Variants in ANXA4 observed in about 807,000 individuals in gnomAD.
The protein encoded by ANXA4 is 35-beta calcimedin.
A neutral mutation model predicts 49.8 loss-of-function variants in ANXA4; 39 were observed. That is an observed-to-expected ratio of 0.78 (90% CI 0.61 to 1.02). The LOEUF (loss-of-function observed/expected upper bound fraction) is 1.02. Ranked by LOEUF, ANXA4 falls within the 50% of genes least tolerant of loss-of-function variation. The pLI is 0.00. For synonymous variants in ANXA4, 134 were observed against 152.5 expected, an observed-to-expected ratio of 0.88 and a Z score of 0.89; for missense variants, 360 against 410.1, an observed-to-expected ratio of 0.88 and a Z score of 1.05.
At position 69,691,608 on chromosome 2, in the gene ANXA4, C is replaced by T. The variant is rs576513821; in HGVS notation, n.767-29166C>T. On this transcript the variant is annotated intron_variant and non_coding_transcript_variant, in intron 2 of 3. Transcript: ENST00000418066. Reference sequence around the variant, plus strand: ...ACACACACACACACACAGACGCATGCACATATGCATGCCTATAGCTTATTT... The same window carrying T: ...ACACACACACACACACAGACGCATGTACATATGCATGCCTATAGCTTATTT... Among the ~76,000 whole-genome samples the T allele has an allele frequency of 2.0e-5, 3 of 151,984 alleles. No homozygotes were observed. In the East Asian group the frequency reaches 5.8e-4, roughly 29 times the overall value.
chr2:69,646,316 A>G (rs182561264), intron 1 of ANXA4, among the ~76,000 whole-genome samples: 4 of 152,324 alleles, frequency 2.6e-5, no homozygotes, highest in Admixed American at 2.6e-4. Context: ...TCAACTTTTA[A>G]TGTATATTGC....
At position 69,804,560 on chromosome 2, in the gene ANXA4, TC is replaced by T; in HGVS notation, c.127del (p.Ala44ProfsTer23). 2 of 1,613,916 alleles carry T rather than the reference TC, an allele frequency of 1.2e-6. No homozygotes were observed. Among genetic ancestry groups the T allele is most frequent in the Non-Finnish European group, 8.5e-7 (1 of 1,179,928 alleles). On this transcript the variant is annotated frameshift_variant, in exon 4 of 13. Coordinates refer to ENST00000394295, the MANE Select transcript of ANXA4 (RefSeq NM_001153.5). LOFTEE classifies it high-confidence loss of function. The part of the protein sequence containing the change: ...LGTDEDAIIS[V>X]LAYRNTAQRQ... ...ACCGATGAAGACGCCATTATTAGCGTCCTTGCCTACCGCAACACCGCCCAGC... is the reference window on the plus strand; with the variant it reads ...ACCGATGAAGACGCCATTATTAGCGTCTTGCCTACCGCAACACCGCCCAGC...
At chr2:69,748,626 T>C (rs1262905141) in intron 1 of ANXA4, among the ~76,000 whole-genome samples, 1 of 151,548 alleles carries the variant, frequency 6.6e-6, no homozygotes, top group African/African-American at 2.4e-5. Flanking sequence ...ATATTCATTT[T>C]CCCCCATATT....
At chr2:69,751,676 A>G (rs574953176) in intron 1 of ANXA4, among the ~76,000 whole-genome samples, 9 of 152,192 alleles carry the variant, frequency 5.9e-5, no homozygotes, top group African/African-American at 2.2e-4. Context: ...CTGAGTATCT[A>G]GGGGATCCAG....
intron 3 of ANXA4, among the ~76,000 whole-genome samples, chr2:69,801,129 T>C (rs1673175446): frequency 6.6e-6 from 1 of 152,222 alleles, no homozygotes; most frequent in East Asian, 1.9e-4. Context: ...CAGCCTGAGC[T>C]GTACTGTATT....
At chr2:69,815,908 G>C in intron 8 of ANXA4, 193 bp from the exon 9 acceptor site, 1 of 567,356 alleles carries the variant, frequency 1.8e-6, no homozygotes, top group East Asian at 2.8e-5. Flanking sequence ...TCCCAGGGGG[G>C]TATGACAGGG....
chr2:69,705,127 C>CAAAAATA (rs1014626998), intron 2 of ANXA4, among the ~76,000 whole-genome samples: 1 of 151,554 alleles, frequency 6.6e-6, no homozygotes, highest in Non-Finnish European at 1.5e-5. Flanking sequence ...ACTACTTCTA[C>CAAAAATA]AAAAATAAAA....
intron 1 of ANXA4, among the ~76,000 whole-genome samples, chr2:69,747,308 C>T (rs1031326585): frequency 2.6e-5 from 4 of 152,152 alleles, no homozygotes; most frequent in Admixed American, 6.6e-5. Flanking sequence ...GATTTATATG[C>T]GATTGAACCA....
chr2:69,705,923 C>G (rs1414368460), intron 2 of ANXA4, among the ~76,000 whole-genome samples: 1 of 152,024 alleles, frequency 6.6e-6, no homozygotes, highest in Non-Finnish European at 1.5e-5. Context: ...CAGAGCAAGA[C>G]TTTGTCTCAA....
chr2:69,825,731 A>G lies in ANXA4; in HGVS notation c.*216A>G, dbSNP rs1674444994. On this transcript the variant is annotated 3_prime_UTR_variant, in exon 13 of 13. Transcript: ENST00000394295. Reference sequence around the variant, plus strand: ...ACTTGCATTTCAAAGCTTATAAGATATAAATGGAGATTTTAAAGTAGAAAT... The same window carrying G: ...ACTTGCATTTCAAAGCTTATAAGATGTAAATGGAGATTTTAAAGTAGAAAT... The G allele has an allele frequency of 2.5e-6, 1 of 396,750 alleles. No individual in the cohort carries two copies. Among genetic ancestry groups the G allele is most frequent in the South Asian group, 9.9e-5 (1 of 10,144 alleles). 24.6% of individuals were successfully genotyped at this position (396,750 alleles called of 1,614,324 possible). A position where few individuals can be genotyped will look rare whatever the true frequency, so the allele number is the denominator to read the frequency against.
At chr2:69,668,378 G>A (rs1037678436) in intron 2 of ANXA4, among the ~76,000 whole-genome samples, 2 of 152,146 alleles carry the variant, frequency 1.3e-5, no homozygotes, top group African/African-American at 4.8e-5. Flanking sequence ...TTAGGAGGCT[G>A]AGGTGGGAGG....
intron 1 of ANXA4, among the ~76,000 whole-genome samples, chr2:69,744,591 G>A (rs1157304242): frequency 1.3e-5 from 2 of 152,250 alleles, no homozygotes; most frequent in East Asian, 3.9e-4. Context: ...ACACTGCAGT[G>A]TCCTCCCTGG....
At chr2:69,687,098 C>G (rs1251573415) in intron 2 of ANXA4, among the ~76,000 whole-genome samples, 1 of 152,174 alleles carries the variant, frequency 6.6e-6, no homozygotes. Context: ...ATGAGAGGGA[C>G]AGGGGAGAGC....
At chr2:69,694,602 C>T (rs886461676) in intron 2 of ANXA4, among the ~76,000 whole-genome samples, 1 of 146,240 alleles carries the variant, frequency 6.8e-6, no homozygotes, top group Non-Finnish European at 1.5e-5. Context: ...CAATTCCCAC[C>T]TATGAGTGAG....
At chr2:69,685,550 A>G (rs774488767) in intron 2 of ANXA4, among the ~76,000 whole-genome samples, 1 of 152,178 alleles carries the variant, frequency 6.6e-6, no homozygotes, top group African/African-American at 2.4e-5. Context: ...AATATACAGA[A>G]GGTGTGCTCA....
upstream of ANXA4, chr2:69,643,975 A>C: frequency 1.1e-6 from 1 of 903,088 alleles, no homozygotes; most frequent in Non-Finnish European, 1.4e-6. Context: ...CCCGAGCCGC[A>C]GGGCAAGCTG....
chr2:69,770,456 T>C (rs1417922116), intron 1 of ANXA4, among the ~76,000 whole-genome samples: 1 of 152,166 alleles, frequency 6.6e-6, no homozygotes, highest in Non-Finnish European at 1.5e-5. Flanking sequence ...TCACATGTGA[T>C]CTTCCAGCGA....
At chr2:69,721,264 T>C (rs1669804293) in intron 3 of ANXA4, among the ~76,000 whole-genome samples, 1 of 152,242 alleles carries the variant, frequency 6.6e-6, no homozygotes, top group Non-Finnish European at 1.5e-5. Flanking sequence ...AATTGTCTAG[T>C]CCCTGTTGAG....
At chr2:69,788,497 G>A (rs10210563) in intron 3 of ANXA4, among the ~76,000 whole-genome samples, 38,469 of 149,048 alleles carry the variant, frequency 0.26, 4,928 homozygotes, top group East Asian at 0.34. Flanking sequence ...CTGAGATCTC[G>A]CCATGGCACT....
Sources: allele counts gnomAD v4.1 joint callset (sites outside exome capture counted in the v4.1 genomes callset), GRCh38; gene constraint gnomAD v4.1.1; transcripts MANE v1.5; gene names NCBI Gene and HGNC (gene_info 2026-07-23, HGNC 2026-07-21).